The following CP variants were observed in gnomAD, a reference collection of about 807,000 sequenced individuals.
CP encodes the protein ceruloplasmin.
CP carries 64 observed loss-of-function variants against 122.4 expected under a neutral mutation model. That is an observed-to-expected ratio of 0.52 (90% CI 0.43 to 0.64). The LOEUF (loss-of-function observed/expected upper bound fraction) is 0.64, where lower values mean the gene tolerates loss of function less well. Ranked by LOEUF, CP falls within the 30% of genes least tolerant of loss-of-function variation. CP has a pLI of 0.00. For missense variants in CP, 1,167 were observed against 1,284.4 expected, an observed-to-expected ratio of 0.91 and a Z score of 1.40; for synonymous variants, 440 against 436.4, an observed-to-expected ratio of 1.01 and a Z score of -0.10.
chr3:149,177,931 A>G lies in CP; in HGVS notation c.2927T>C (p.Val976Ala), dbSNP rs1237333086. 1.9e-6 allele frequency: 3 copies of G among 1,613,458 alleles called. No individual in the cohort carries two copies. The South Asian group carries it at 3.3e-5, about 18-fold the overall frequency. ...CAGATACCAGTTGACTTCATCTCCC[A>G]CGTGCATTGTGAGGCCTTGTAGGTT... ...FGNLQGLTMH[V>A]GDEVNWYLMG... Residue 976 changes from valine to alanine, a missense_variant, in exon 17 of 19, where the codon GTG (valine) becomes GCG (alanine). Coordinates refer to ENST00000264613, the MANE Select transcript of CP (RefSeq NM_000096.4).
intron 9 of CP, among the ~76,000 whole-genome samples, chr3:149,189,010 A>T (rs1726370437): frequency 6.6e-6 from 1 of 152,210 alleles, no homozygotes; most frequent in South Asian, 2.1e-4. Context: ...GATGAAGGGG[A>T]TCTAAAGAAA....
intron 17 of CP, among the ~76,000 whole-genome samples, chr3:149,176,919 G>A (rs997471687): frequency 1.4e-4 from 21 of 152,178 alleles, no homozygotes; most frequent in Admixed American, 1.2e-3. Flanking sequence ...TTTCTGCAAG[G>A]ATAGAATTGA....
chr3:149,199,857 G>T lies in CP; in HGVS notation c.1356C>A (p.Val452=). ...EEEHLGILGP[V]IWAEVGDTIR... Reference sequence around the variant, plus strand: ...TGGTGTCTCCCACCTCTGCCCAAATGACAGGACCTGGGAACAAAGAGAGAA... The same window carrying T: ...TGGTGTCTCCCACCTCTGCCCAAATTACAGGACCTGGGAACAAAGAGAGAA... Residue 452 remains valine, a synonymous_variant, in exon 8 of 19, where the codon GTC becomes GTA. Coordinates refer to ENST00000264613, the MANE Select transcript of CP (RefSeq NM_000096.4). The T allele has an allele frequency of 6.2e-7, 1 of 1,613,996 alleles. No individual in the cohort carries two copies. The highest frequency in any genetic ancestry group is 1.1e-5 in the South Asian group (1 of 91,072).
intron 11 of CP, chr3:149,186,221 T>A (rs1487941098): frequency 4.7e-6 from 2 of 427,886 alleles, no homozygotes; most frequent in East Asian, 9.7e-5. Flanking sequence ...CTAGTCTGAT[T>A]TTCCAGCTAT....
intron 6 of CP, among the ~76,000 whole-genome samples, chr3:149,202,733 G>A (rs1352457099): frequency 1.4e-5 from 2 of 147,322 alleles, no homozygotes; most frequent in African/African-American, 2.5e-5. Context: ...TCAGCCTCCC[G>A]AGTAGCTGGG....
intron 1 of CP, among the ~76,000 whole-genome samples, chr3:149,216,236 C>T (rs886731237): frequency 2.0e-5 from 3 of 152,146 alleles, no homozygotes; most frequent in East Asian, 1.9e-4. Flanking sequence ...GGTTCACTGC[C>T]TCAGGCATCA....
chr3:149,208,706 A>G (rs1727916070), intron 4 of CP, among the ~76,000 whole-genome samples: 1 of 152,182 alleles, frequency 6.6e-6, no homozygotes, highest in Admixed American at 6.5e-5. Flanking sequence ...TAAACTGTAA[A>G]AAAAGCATTT....
At chr3:149,173,757 T>A in intron 18 of CP, 27 bp from the exon 19 acceptor site, 1 of 1,190,794 alleles carries the variant, frequency 8.4e-7, no homozygotes, top group Non-Finnish European at 1.2e-6. Context: ...TTTAAGACCA[T>A]TATTAAAAAT....
chr3:149,206,123 G>A (rs202084077), intron 6 of CP, 45 bp downstream of exon 6: 37 of 1,575,920 alleles, frequency 2.3e-5, no homozygotes, highest in East Asian at 6.7e-5. Context: ...TCCTTTGTGC[G>A]GGGGAGAGCA....
In CP at chr3:149,198,640, A is replaced by G. The variant is rs926702368; in HGVS notation, c.1502-62T>C. Reference sequence around the variant, plus strand: ...TTTCTAACGTGGTCATTTGAGCCACAAAGTAGACTAAGTTTAGTCTAGAAT... The same window carrying G: ...TTTCTAACGTGGTCATTTGAGCCACGAAGTAGACTAAGTTTAGTCTAGAAT... On this transcript the variant is annotated intron_variant, in intron 8 of 18. Transcript: ENST00000264613. 3 of 1,416,890 alleles carry G rather than the reference A, an allele frequency of 2.1e-6. No homozygotes were observed. In the African/African-American group the frequency reaches 4.2e-5, roughly 20 times the overall value. The allele number at this position is 1,416,890 out of a possible 1,614,324, so 87.8% of individuals were successfully genotyped here. A position where few individuals can be genotyped will look rare whatever the true frequency, so the allele number is the denominator to read the frequency against.
rs35019965 is a variant in CP at position 149,210,758 on chromosome 3, C to G, written c.395-379G>C. 6.2e-4 allele frequency among the ~76,000 whole-genome samples: 95 copies of G among 152,220 alleles called. 1 individual carries two copies. The highest frequency in any genetic ancestry group is 2.3e-3 in the African/African-American group (94 of 41,516). ...AACCATAAAATTAAAAACATTTCTA[C>G]TCTCAATTTTGGAAATTTCCAAACA... On this transcript the variant is annotated intron_variant, in intron 2 of 18. Transcript: ENST00000264613.
rs1326073762 is a variant in CP at position 149,206,347 on chromosome 3, G to A, written c.1037-8C>T. ...AAAAGGCTTGCAAACCGGCTGAAAT[G>A]AAACAGAAAGAGGCATTGATTAATG... On this transcript the variant is annotated splice_polypyrimidine_tract_variant and splice_region_variant and intron_variant, in intron 5 of 18. Coordinates refer to ENST00000264613, the MANE Select transcript of CP (RefSeq NM_000096.4). 6.2e-7 allele frequency: 1 copy of A among 1,613,626 alleles called. No individual in the cohort carries two copies. Among genetic ancestry groups the A allele is most frequent in the Non-Finnish European group, 8.5e-7 (1 of 1,179,678 alleles).
At chr3:149,193,877 C>T (rs1168280540) in intron 9 of CP, among the ~76,000 whole-genome samples, 4 of 152,164 alleles carry the variant, frequency 2.6e-5, no homozygotes, top group African/African-American at 7.2e-5. Context: ...AATCTGTAGC[C>T]ACATGGCTAG....
chr3:149,204,819 G>A lies in CP; in HGVS notation c.1208+1349C>T, dbSNP rs2108284363. On this transcript the variant is annotated intron_variant, in intron 6 of 18. Coordinates refer to ENST00000264613, the MANE Select transcript of CP (RefSeq NM_000096.4). ...TTGTAAAAAATCGATAGTAGAAAAG[G>A]AAGACAAACAGAAAGAATGACTGGG... Among the ~76,000 whole-genome samples, 3 of 152,246 alleles carry A rather than the reference G, an allele frequency of 2.0e-5. No individual in the cohort carries two copies. In the East Asian group the frequency reaches 5.8e-4, roughly 29 times the overall value.
At chr3:149,220,347 C>T (rs961830650) in intron 1 of CP, among the ~76,000 whole-genome samples, 7 of 151,832 alleles carry the variant, frequency 4.6e-5, no homozygotes, top group African/African-American at 1.7e-4. Flanking sequence ...ATGTGTCTGA[C>T]TTTTTCCTTG....
intron 5 of CP, chr3:149,164,063 C>G (rs1398397899): frequency 1.6e-6 from 1 of 637,314 alleles, no homozygotes; most frequent in African/African-American, 1.8e-5. Flanking sequence ...TTTTGAGGGA[C>G]AAAATCCATA....
chr3:149,190,900 A>G (rs1002416216), intron 9 of CP, among the ~76,000 whole-genome samples: 1 of 152,214 alleles, frequency 6.6e-6, no homozygotes, highest in African/African-American at 2.4e-5. Flanking sequence ...GAAATTCTAA[A>G]TCAAACACAG....
chr3:149,200,555 T>A (rs535219414), intron 7 of CP, among the ~76,000 whole-genome samples: 5 of 152,188 alleles, frequency 3.3e-5, no homozygotes, highest in South Asian at 2.1e-4. Flanking sequence ...TAGGCTGGAG[T>A]GCAGTGGCAT....
intron 10 of CP, 138 bp downstream of exon 10, chr3:149,187,914 T>C: frequency 1.2e-6 from 1 of 865,984 alleles, no homozygotes; most frequent in Non-Finnish European, 1.9e-6. Flanking sequence ...ACCAGTGAGA[T>C]TACCTTCAGG....
Sources: allele counts gnomAD v4.1 joint callset (sites outside exome capture counted in the v4.1 genomes callset), GRCh38; gene constraint gnomAD v4.1.1; transcripts MANE v1.5; gene names NCBI Gene and HGNC (gene_info 2026-07-23, HGNC 2026-07-21).